SLC35F4: variants seen among roughly 807,000 people sequenced by gnomAD.
The protein encoded by SLC35F4 is solute carrier family 35 member F4, also known as chromosome 14 open reading frame 36.
SLC35F4 carries 24 observed loss-of-function variants against 44.2 expected under a neutral mutation model. The ratio of observed to expected loss-of-function variants is 0.54; its 90% CI spans 0.39 to 0.76. The LOEUF is 0.76. SLC35F4 is among the 30% of genes least tolerant of loss of function. The pLI, the probability that SLC35F4 is intolerant of heterozygous loss-of-function variation, is 0.00. For missense variants in SLC35F4, 562 were observed against 586.1 expected (o/e 0.96, Z 0.42); for synonymous variants, 238 against 223.6 (o/e 1.06, Z -0.57).
At chr14:57,660,961 G>A (rs1165252056) in intron 1 of SLC35F4, among the ~76,000 whole-genome samples, 1 of 152,172 alleles carries the variant, frequency 6.6e-6, no homozygotes, top group African/African-American at 2.4e-5. Flanking sequence ...TTAAGCAGTA[G>A]TAGAAAACTA....
intron 1 of SLC35F4, among the ~76,000 whole-genome samples, chr14:57,969,839 G>A (rs745934461): frequency 6.6e-6 from 1 of 152,140 alleles, no homozygotes; most frequent in Non-Finnish European, 1.5e-5. Context: ...TGACTATGAA[G>A]TCACTGAGCA....
At chr14:57,939,192 G>A (rs374570128) in intron 1 of SLC35F4, among the ~76,000 whole-genome samples, 2 of 152,054 alleles carry the variant, frequency 1.3e-5, no homozygotes, top group Non-Finnish European at 2.9e-5. Context: ...GTTTGGTAAG[G>A]TTCCACAATA....
chr14:57,819,768 G>A (rs547491490), intron 1 of SLC35F4, among the ~76,000 whole-genome samples: 10 of 149,066 alleles, frequency 6.7e-5, no homozygotes, highest in East Asian at 2.0e-4. Context: ...AGCCGAGATC[G>A]CCCCATTGCA....
At position 57,858,249 on chromosome 14, in the gene SLC35F4, TATTC is replaced by T. The variant is rs1342016694; in HGVS notation, c.103+7470_103+7473del. 9.2e-5 allele frequency among the ~76,000 whole-genome samples: 14 copies of T among 152,036 alleles called. No homozygotes were observed. In the East Asian group the frequency reaches 2.3e-3, roughly 25 times the overall value. ...TGCACACGTATGTTTATTGTGGCAC[TATTC>T]ACAATAGCAAAGACTCGGAACCAAC... is the stretch of plus-strand genomic sequence containing the variant. On this transcript the variant is annotated intron_variant, in intron 1 of 7. Transcript: ENST00000556826.
At chr14:57,914,921 G>A (rs1389801464) in intron 1 of SLC35F4, among the ~76,000 whole-genome samples, 3 of 152,220 alleles carry the variant, frequency 2.0e-5, no homozygotes, top group Admixed American at 6.5e-5. Flanking sequence ...TACCTTAGAA[G>A]GGACTCTCTG....
intron 1 of SLC35F4, among the ~76,000 whole-genome samples, chr14:57,605,640 A>G (rs1287232611): frequency 6.6e-6 from 1 of 152,202 alleles, no homozygotes; most frequent in Non-Finnish European, 1.5e-5. Context: ...GTTCTACCAA[A>G]AAGATATGTG....
intron 1 of SLC35F4, among the ~76,000 whole-genome samples, chr14:57,709,175 G>T (rs1347697635): frequency 2.6e-5 from 4 of 152,026 alleles, no homozygotes; most frequent in African/African-American, 9.7e-5. Flanking sequence ...CCCAGGGAAA[G>T]GGAGACTCCC....
At chr14:57,705,799 G>A (rs1194769288) in intron 1 of SLC35F4, among the ~76,000 whole-genome samples, 1 of 152,150 alleles carries the variant, frequency 6.6e-6, no homozygotes, top group Non-Finnish European at 1.5e-5. Flanking sequence ...GCCTTTGACT[G>A]CATCTGTTTC....
intron 1 of SLC35F4, among the ~76,000 whole-genome samples, chr14:57,782,315 G>A (rs1042071923): frequency 2.0e-5 from 3 of 150,062 alleles, no homozygotes; most frequent in Non-Finnish European, 4.4e-5. Flanking sequence ...AATATACTGG[G>A]AAATTTTTGA....
chr14:57,762,485 AG>A, intron 1 of SLC35F4, among the ~76,000 whole-genome samples: 1 of 152,180 alleles, frequency 6.6e-6, no homozygotes, highest in African/African-American at 2.4e-5. Context: ...CAACTCTGTA[AG>A]GGTAGATACT....
At position 57,864,280 on chromosome 14, in the gene SLC35F4, A is replaced by G. The variant is rs867799389; in HGVS notation, c.103+1443T>C. Among the ~76,000 whole-genome samples the G allele has an allele frequency of 3.9e-5, 6 of 152,364 alleles. No individual in the cohort carries two copies. In the South Asian group the frequency reaches 8.3e-4, roughly 21 times the overall value. ...TAAAAAAGAAATCCTTTGCCAATAA[A>G]AAAGGAGAAGTTTTTGAGTGTATAG... is the stretch of plus-strand genomic sequence containing the variant. On this transcript the variant is annotated intron_variant, in intron 1 of 7. Transcript: ENST00000556826.
exon 2 of SLC35F4, chr14:57,976,805 C>T (rs957655182): frequency 1.3e-5 from 2 of 152,186 alleles, no homozygotes; most frequent in Non-Finnish European, 2.9e-5. Flanking sequence ...AAAAGAGGTT[C>T]ACATTTTTCA....
chr14:57,719,380 G>A (rs192867972), intron 1 of SLC35F4, among the ~76,000 whole-genome samples: 82 of 152,226 alleles, frequency 5.4e-4, no homozygotes, highest in Non-Finnish European at 9.1e-4. Flanking sequence ...TTTTGATAGA[G>A]ATTGCATTGA....
intron 1 of SLC35F4, among the ~76,000 whole-genome samples, chr14:57,761,760 A>C (rs2140628739): frequency 6.6e-6 from 1 of 152,320 alleles, no homozygotes; most frequent in East Asian, 1.9e-4. Flanking sequence ...ATTAGCGCAA[A>C]AGATCTTGTG....
At chr14:57,586,297 C>T (rs1314137278) in intron 3 of SLC35F4, among the ~76,000 whole-genome samples, 1 of 152,092 alleles carries the variant, frequency 6.6e-6, no homozygotes, top group African/African-American at 2.4e-5. Flanking sequence ...GAAACTGGAC[C>T]CCTTCCTTAC....
intron 1 of SLC35F4, among the ~76,000 whole-genome samples, chr14:57,879,496 C>T: frequency 6.6e-6 from 1 of 152,150 alleles, no homozygotes; most frequent in Non-Finnish European, 1.5e-5. Flanking sequence ...AGGATGTAAA[C>T]TTTGATCTGT....
At chr14:57,946,062 C>G (rs1156800643) in intron 1 of SLC35F4, among the ~76,000 whole-genome samples, 2 of 152,146 alleles carry the variant, frequency 1.3e-5, no homozygotes, top group African/African-American at 4.8e-5. Context: ...TAATTTCTCC[C>G]ATTCTGTGGG....
chr14:57,576,016 T>A (rs994253119), intron 4 of SLC35F4, among the ~76,000 whole-genome samples: 2 of 152,168 alleles, frequency 1.3e-5, no homozygotes, highest in African/African-American at 4.8e-5. Flanking sequence ...TTTTTCTCTT[T>A]TGGCTCGGGC....
intron 1 of SLC35F4, among the ~76,000 whole-genome samples, chr14:57,722,546 C>G (rs2104060): frequency 0.29 from 44,045 of 152,108 alleles, 7,656 homozygotes; most frequent in Non-Finnish European, 0.39. Flanking sequence ...TGCAGTCACT[C>G]AACTACAAAA....
Sources: gnomAD v4.1 joint callset for allele counts (sites outside exome capture counted in the v4.1 genomes callset) on GRCh38, gnomAD v4.1.1 for gene constraint, MANE v1.5 for transcripts, NCBI Gene and HGNC (gene_info 2026-07-23, HGNC 2026-07-21) for gene names.